Variants in RNF6 observed in about 807,000 individuals in gnomAD.
RNF6 encodes ring finger protein 6, also known as E3 ubiquitin-protein ligase RNF6.
Under a neutral mutation model 50.1 loss-of-function variants are expected in RNF6, and 21 were observed. The ratio of observed to expected loss-of-function variants is 0.42; its 90% confidence interval spans 0.30 to 0.60. RNF6 has a LOEUF of 0.60. RNF6 is among the 20% of genes least tolerant of loss of function. RNF6 has a pLI of 0.20. For synonymous variants in RNF6, 255 were observed against 291.8 expected (o/e 0.87, Z 1.29); for missense variants, 698 against 838.2 (o/e 0.83, Z 2.07).
chr13:26,143,857 T>A (rs913809291), intron 5 of RNF6, among the ~76,000 whole-genome samples: 21 of 152,298 alleles, frequency 1.4e-4, no homozygotes, highest in Middle Eastern at 3.4e-3. Context: ...AGTAAGTTCC[T>A]TGGTTAGAAT....
intron 5 of RNF6, among the ~76,000 whole-genome samples, chr13:26,148,783 C>T (rs7327712): frequency 0.24 from 35,790 of 148,824 alleles, 4,467 homozygotes; most frequent in African/African-American, 0.29. Flanking sequence ...CCCAGATCTG[C>T]AGGGTGAGTT....
At chr13:26,186,774 C>T (rs9553763) in intron 5 of RNF6, among the ~76,000 whole-genome samples, 4 of 74,100 alleles carry the variant, frequency 5.4e-5, no homozygotes, top group East Asian at 2.7e-4. Flanking sequence ...CTTTCTTCTT[C>T]TTTTTTTTTT....
At chr13:26,165,706 T>C (rs1446465923) in intron 5 of RNF6, among the ~76,000 whole-genome samples, 1 of 152,166 alleles carries the variant, frequency 6.6e-6, no homozygotes, top group Non-Finnish European at 1.5e-5. Context: ...CCCTGCTGGA[T>C]TTTGGACTTG....
At position 26,214,381 on chromosome 13, in the gene RNF6, C is replaced by T. The variant is rs755228873; in HGVS notation, c.1501G>A (p.Asp501Asn). The stretch of plus-strand genomic sequence containing the variant: ...TTTCTTTGAAGTTCTGACTCAGAAT[C>T]GGCCTCCATTAGAGAACTCAGTTCT... Reference protein sequence around the residue: ...FGELSSLMEADSESELQRNGQ... With the variant: ...FGELSSLMEANSESELQRNGQ... The change falls in exon 5 of 5, where the codon GAT becomes AAT. Residue 501 changes from aspartate to asparagine, a missense_variant. Asp to Asn is a conservative substitution (Grantham distance 23). Coordinates refer to ENST00000381588, the MANE Select transcript of RNF6 (RefSeq NM_005977.4). 4.3e-6 allele frequency: 7 copies of T among 1,614,078 alleles called. No homozygotes were observed. The highest frequency in any genetic ancestry group is 3.3e-5 in the Admixed American group (2 of 60,020).
chr13:26,152,190 G>A (rs546924731), intron 5 of RNF6, among the ~76,000 whole-genome samples: 2 of 152,068 alleles, frequency 1.3e-5, no homozygotes, highest in Non-Finnish European at 1.5e-5. Context: ...ATTTATTTTT[G>A]AATATGTAAC....
intron 5 of RNF6, among the ~76,000 whole-genome samples, chr13:26,146,719 T>C (rs1351772256): frequency 6.6e-6 from 1 of 152,188 alleles, no homozygotes; most frequent in Non-Finnish European, 1.5e-5. Context: ...CCCCAGTAGC[T>C]AGAACCCTTT....
chr13:26,158,735 G>A (rs1231819499), intron 5 of RNF6, among the ~76,000 whole-genome samples: 1 of 152,142 alleles, frequency 6.6e-6, no homozygotes, highest in Non-Finnish European at 1.5e-5. Context: ...GTGTGTGTGT[G>A]TGTATTGAAT....
downstream of RNF6, among the ~76,000 whole-genome samples, chr13:26,209,668 C>T (rs1173674576): frequency 1.3e-5 from 2 of 152,296 alleles, no homozygotes; most frequent in East Asian, 1.9e-4. Context: ...GATTGTTACC[C>T]ACTGGGGAGA....
At chr13:26,184,018 A>ATATATTTTTTTTT (rs1335766541) in intron 5 of RNF6, among the ~76,000 whole-genome samples, 1 of 33,942 alleles carries the variant, frequency 2.9e-5, no homozygotes, top group African/African-American at 9.3e-5. Context: ...ATATATATAT[A>ATATATTTTTTTTT]TTTTTTTTTT....
At chr13:26,203,842 G>T (rs1283126170) in intron 5 of RNF6, among the ~76,000 whole-genome samples, 1 of 152,092 alleles carries the variant, frequency 6.6e-6, no homozygotes, top group Non-Finnish European at 1.5e-5. Context: ...GGTGCCTGTA[G>T]TCCCAGCTAC....
Position 26,212,846 on chromosome 13 carries a change from C to T in RNF6, c.*978G>A, listed in dbSNP as rs1869396346. Reference sequence around the variant, plus strand: ...TGTGTTTATATAAACTCTACATTCTCTTAAAGGTTTTCGTTTTGTTTTCAC... The same window carrying T: ...TGTGTTTATATAAACTCTACATTCTTTTAAAGGTTTTCGTTTTGTTTTCAC... On this transcript the variant is annotated 3_prime_UTR_variant, in exon 5 of 5. Coordinates refer to ENST00000381588, the MANE Select transcript of RNF6 (RefSeq NM_005977.4). The T allele has an allele frequency of 6.6e-6, 1 of 152,380 alleles. No homozygotes were observed. Among genetic ancestry groups the T allele is most frequent in the Non-Finnish European group, 1.5e-5 (1 of 67,974 alleles). The allele number at this position is 152,380 out of a possible 1,614,324, so 9.4% of individuals were successfully genotyped here.
chr13:26,141,298 CAT>C (rs1438289171), intron 5 of RNF6, among the ~76,000 whole-genome samples: 9 of 151,628 alleles, frequency 5.9e-5, no homozygotes, highest in Admixed American at 5.9e-4. Flanking sequence ...CGTGGTGGTG[CAT>C]ATCTTTAATC....
intron 5 of RNF6, among the ~76,000 whole-genome samples, chr13:26,157,041 T>C (rs995118343): frequency 6.6e-6 from 1 of 152,094 alleles, no homozygotes; most frequent in African/African-American, 2.4e-5. Flanking sequence ...TGCCTAGGGT[T>C]GGGGTGTTGA....
chr13:26,142,947 C>A (rs1342353064), intron 5 of RNF6, among the ~76,000 whole-genome samples: 1 of 152,196 alleles, frequency 6.6e-6, no homozygotes, highest in African/African-American at 2.4e-5. Flanking sequence ...AAACAATACA[C>A]ACACACACAT....
chr13:26,160,513 T>G (rs1183699549), intron 5 of RNF6, among the ~76,000 whole-genome samples: 4 of 150,124 alleles, frequency 2.7e-5, no homozygotes, highest in Non-Finnish European at 4.4e-5. Flanking sequence ...CTTATGCCAC[T>G]GCATCCAGCC....
intron 5 of RNF6, among the ~76,000 whole-genome samples, chr13:26,153,777 GT>G (rs1871759746): frequency 1.3e-5 from 2 of 151,100 alleles, no homozygotes; most frequent in African/African-American, 2.5e-5. Context: ...TATTTTGGAG[GT>G]GCCATAAAAT....
chr13:26,175,163 C>G (rs539090087), intron 5 of RNF6, among the ~76,000 whole-genome samples: 128 of 152,284 alleles, frequency 8.4e-4, no homozygotes, highest in African/African-American at 3.0e-3. Context: ...TCACTGCAAC[C>G]TCCACCTCCC....
chr13:26,180,875 T>G (rs4770944), intron 5 of RNF6, among the ~76,000 whole-genome samples: 57,126 of 152,114 alleles, frequency 0.38, 11,836 homozygotes, highest in East Asian at 0.7. Flanking sequence ...CAGGGCCCAC[T>G]GGGTATTCTA....
In RNF6 at chr13:26,213,992, T is replaced by G. The variant is rs781596701; in HGVS notation, c.1890A>C (p.Lys630Asn). The G allele has an allele frequency of 2.5e-6, 4 of 1,614,188 alleles. No homozygotes were observed. In the South Asian group the frequency reaches 4.4e-5, roughly 18 times the overall value. Residue 630 changes from lysine to asparagine, a missense_variant, in exon 5 of 5, where the codon AAA becomes AAC. Transcript: ENST00000381588. Reference sequence around the variant, plus strand: ...AGTCACTAATACAAACACTACAGATTTTACCTAGTTCACTATCAATACTGT... The same window carrying G: ...AGTCACTAATACAAACACTACAGATGTTACCTAGTTCACTATCAATACTGT... ...EHNSIDSELG[K>N]ICSVCISDYV...
Sources: allele counts gnomAD v4.1 joint callset (sites outside exome capture counted in the v4.1 genomes callset), GRCh38; gene constraint gnomAD v4.1.1; transcripts MANE v1.5; gene names NCBI Gene and HGNC (gene_info 2026-07-23, HGNC 2026-07-21).